Variants in TCF12 observed in about 807,000 individuals in gnomAD.
The protein encoded by TCF12 is transcription factor 12.
A neutral mutation model predicts 86.0 loss-of-function variants in TCF12; 45 were observed. That is an observed-to-expected ratio of 0.52 (90% CI 0.41 to 0.67). The LOEUF (loss-of-function observed/expected upper bound fraction) is 0.67. Among genes scored for constraint, TCF12 ranks in the 30% least tolerant of loss-of-function variants. The probability of loss-of-function intolerance (pLI) is 0.00; values close to 1 mark genes in which losing one functional copy is unlikely to be tolerated. For missense variants in TCF12, 881 were observed against 859.9 expected (o/e 1.02, Z -0.31); for synonymous variants, 330 against 299.6 (o/e 1.10, Z -1.05).
At chr15:57,039,538 C>T (rs2066755292) in intron 3 of TCF12, among the ~76,000 whole-genome samples, 1 of 152,112 alleles carries the variant, frequency 6.6e-6, no homozygotes, top group African/African-American at 2.4e-5. Flanking sequence ...GGTTTTGTTT[C>T]TCTGTCAGAC....
chr15:57,083,666 C>T (rs1268716828), intron 4 of TCF12, among the ~76,000 whole-genome samples: 1 of 152,100 alleles, frequency 6.6e-6, no homozygotes, highest in East Asian at 1.9e-4. Context: ...CTCACTGCAG[C>T]CCCCAACTCC....
chr15:56,960,843 A>C (rs58121543), intron 3 of TCF12, among the ~76,000 whole-genome samples: 5,064 of 152,184 alleles, frequency 0.033, 321 homozygotes, highest in East Asian at 0.28. Context: ...ATTAGTTTAA[A>C]AAATTAATTT....
Position 56,976,387 on chromosome 15 carries a change from C to T in TCF12, c.148+55289C>T, listed in dbSNP as rs573164903. 3.6e-3 allele frequency among the ~76,000 whole-genome samples: 537 copies of T among 147,682 alleles called. 2 individuals are homozygous for T. The highest frequency in any genetic ancestry group is 0.013 in the African/African-American group (520 of 40,468). ...CTGGAAGTACAGGCGGCCGCTACCACGCCTGGCTAATTTTTTTTTTTAAAT... is the reference window on the plus strand; with the variant it reads ...CTGGAAGTACAGGCGGCCGCTACCATGCCTGGCTAATTTTTTTTTTTAAAT... On this transcript the variant is annotated intron_variant, in intron 3 of 20. Transcript: ENST00000333725.
At chr15:57,161,890 C>A (rs1475116749) in intron 5 of TCF12, among the ~76,000 whole-genome samples, 1 of 152,066 alleles carries the variant, frequency 6.6e-6, no homozygotes, top group Non-Finnish European at 1.5e-5. Context: ...TAATAAATTA[C>A]AGGAAATGTG....
chr15:57,176,626 T>C (rs570122020), intron 6 of TCF12, among the ~76,000 whole-genome samples: 3 of 152,318 alleles, frequency 2.0e-5, no homozygotes, highest in East Asian at 3.9e-4. Flanking sequence ...CAAGAAGTTA[T>C]ATAATTCACC....
intron 3 of TCF12, among the ~76,000 whole-genome samples, chr15:57,047,398 C>T (rs2067303794): frequency 6.6e-6 from 1 of 152,158 alleles, no homozygotes; most frequent in South Asian, 2.1e-4. Context: ...TGATTACCAG[C>T]TTACTTTGAG....
chr15:57,129,756 AT>A (rs2051961770), intron 5 of TCF12: 1 of 152,214 alleles, frequency 6.6e-6, no homozygotes, highest in African/African-American at 2.4e-5. Context: ...TTAAACGTTA[AT>A]TTCTTCTTTC....
chr15:56,973,614 A>G (rs2062452426), intron 3 of TCF12, among the ~76,000 whole-genome samples: 1 of 152,146 alleles, frequency 6.6e-6, no homozygotes, highest in Non-Finnish European at 1.5e-5. Flanking sequence ...GTAATAAGTG[A>G]TTCATGCATT....
chr15:57,262,050 A>G (rs745462308), intron 16 of TCF12, 44 bp from the exon 17 acceptor site: 30 of 1,345,454 alleles, frequency 2.2e-5, no homozygotes, highest in Non-Finnish European at 3.0e-5. Context: ...TTGCCTCTGA[A>G]CTATCTTAAT....
chr15:57,136,492 C>T (rs1446551394), intron 5 of TCF12, among the ~76,000 whole-genome samples: 1 of 152,006 alleles, frequency 6.6e-6, no homozygotes, highest in African/African-American at 2.4e-5. Flanking sequence ...TTTAACAGAT[C>T]GACGTATATT....
chr15:57,052,713 G>A (rs2067724658), intron 3 of TCF12, among the ~76,000 whole-genome samples: 1 of 151,620 alleles, frequency 6.6e-6, no homozygotes, highest in Non-Finnish European at 1.5e-5. Context: ...AAGTAACAGT[G>A]TCATGTTATT....
intron 3 of TCF12, among the ~76,000 whole-genome samples, chr15:56,981,514 C>T (rs1409944382): frequency 6.6e-6 from 1 of 152,166 alleles, no homozygotes; most frequent in African/African-American, 2.4e-5. Flanking sequence ...CCTCACTTCT[C>T]AACACTGTGG....
intron 6 of TCF12, among the ~76,000 whole-genome samples, chr15:57,180,320 TG>T: frequency 6.6e-6 from 1 of 152,190 alleles, no homozygotes; most frequent in Admixed American, 6.5e-5. Flanking sequence ...AAACTTCAAA[TG>T]GATTTACAGC....
intron 6 of TCF12, among the ~76,000 whole-genome samples, chr15:57,172,867 G>A (rs1369585917): frequency 1.3e-5 from 2 of 151,848 alleles, no homozygotes; most frequent in Admixed American, 6.6e-5. Context: ...TTGGAAGGCC[G>A]ATTCAGGAGG....
intron 3 of TCF12, among the ~76,000 whole-genome samples, chr15:57,035,994 C>CT (rs1307526686): frequency 1.3e-5 from 2 of 152,148 alleles, no homozygotes; most frequent in African/African-American, 2.4e-5. Context: ...TTATGAAAAT[C>CT]TAACTAATGC....
rs1309253628 is a variant in TCF12, at chr15:57,029,491, TA to T, written c.149-34258del. The stretch of plus-strand genomic sequence containing the variant: ...TTGGAATTACATCGATTATTTGTTT[TA>T]TTTTTTACTATTCCTCCACCTTATT... On this transcript the variant is annotated intron_variant, in intron 3 of 20. Coordinates refer to ENST00000333725, the MANE Select transcript of TCF12 (RefSeq NM_207037.2). Among the ~76,000 whole-genome samples, 6 of 152,358 alleles carry T rather than the reference TA, an allele frequency of 3.9e-5. No homozygotes were observed. In the East Asian group the frequency reaches 5.8e-4, roughly 15 times the overall value.
intron 8 of TCF12, among the ~76,000 whole-genome samples, chr15:57,210,258 C>G (rs76571666): frequency 1.3e-5 from 2 of 151,244 alleles, no homozygotes; most frequent in African/African-American, 4.9e-5. Flanking sequence ...GCAATACAGC[C>G]ATAGCTCTTC....
chr15:57,069,365 A>G (rs1321750605), intron 4 of TCF12, among the ~76,000 whole-genome samples: 1 of 152,184 alleles, frequency 6.6e-6, no homozygotes, highest in African/African-American at 2.4e-5. Context: ...AAAAAGAAGC[A>G]ATATTAAGTT....
intron 3 of TCF12, among the ~76,000 whole-genome samples, chr15:57,000,249 G>A (rs993152600): frequency 1.3e-5 from 2 of 150,890 alleles, no homozygotes; most frequent in Admixed American, 6.6e-5. Flanking sequence ...ATCATAGTTC[G>A]TTACAGCCTC....
Sources: allele counts gnomAD v4.1 joint callset (sites outside exome capture counted in the v4.1 genomes callset), GRCh38; gene constraint gnomAD v4.1.1; transcripts MANE v1.5; gene names NCBI Gene and HGNC (gene_info 2026-07-23, HGNC 2026-07-21).